Variants in FRY observed in about 807,000 individuals in gnomAD.
FRY encodes the protein protein furry homolog.
Under a neutral mutation model 348.4 loss-of-function variants are expected in FRY, and 128 were observed. The observed-to-expected ratio is 0.37, with a 90% confidence interval of 0.32 to 0.43. The LOEUF is 0.43. Among genes scored for constraint, FRY ranks in the 20% least tolerant of loss-of-function variants. The probability of loss-of-function intolerance (pLI) is 1.00; values close to 1 mark genes in which losing one functional copy is unlikely to be tolerated. For missense variants in FRY, 2,736 were observed against 3,695.2 expected, an observed-to-expected ratio of 0.74 and a Z score of 6.73; for synonymous variants, 1,370 against 1,374.7, an observed-to-expected ratio of 1.00 and a Z score of 0.08.
rs750112687 is a variant in FRY, at chr13:32,212,330, G to A, written c.4630G>A (p.Glu1544Lys). The change falls in exon 35 of 61, where the codon GAA becomes AAA. Residue 1544 changes from glutamate to lysine, a missense_variant. Glu to Lys is a moderately conservative substitution (Grantham distance 56, BLOSUM62 1). Coordinates refer to ENST00000542859, the MANE Select transcript of FRY (RefSeq NM_023037.3). ...SSSNTVVAGQ[E>K]NFPDAEENKI... ...CAGCAATACAGTGGTTGCTGGCCAG[G>A]AAAATTTCCCAGATGCTGAGGAGAA... 1 of 1,611,318 alleles carries A rather than the reference G, an allele frequency of 6.2e-7. No homozygotes were observed. Among genetic ancestry groups the A allele is most frequent in the South Asian group, 1.1e-5 (1 of 90,760 alleles).
chr13:32,115,833 T>C (rs1312794858), intron 3 of FRY, among the ~76,000 whole-genome samples: 1 of 152,062 alleles, frequency 6.6e-6, no homozygotes, highest in Admixed American at 6.6e-5. Flanking sequence ...GGTTTTCACA[T>C]GCACTCTATA....
intron 11 of FRY, among the ~76,000 whole-genome samples, chr13:32,137,920 A>T (rs1460902547): frequency 6.6e-6 from 1 of 152,196 alleles, no homozygotes; most frequent in Non-Finnish European, 1.5e-5. Flanking sequence ...AATAATCTGC[A>T]TTAGAGCTGT....
intron 14 of FRY, among the ~76,000 whole-genome samples, chr13:32,153,873 C>T (rs1313849991): frequency 6.6e-6 from 1 of 152,028 alleles, no homozygotes; most frequent in Non-Finnish European, 1.5e-5. Flanking sequence ...AAGTAATTTT[C>T]CAAGGCCAGA....
chr13:32,217,243 C>T (rs574617426), intron 35 of FRY, among the ~76,000 whole-genome samples: 3 of 152,118 alleles, frequency 2.0e-5, no homozygotes, highest in Admixed American at 1.3e-4. Flanking sequence ...AGCCTTAGTT[C>T]TTTGTTTTGG....
chr13:32,137,561 A>G (rs1325448498), intron 11 of FRY, among the ~76,000 whole-genome samples: 1 of 152,252 alleles, frequency 6.6e-6, no homozygotes, highest in East Asian at 1.9e-4. Flanking sequence ...GTTTCCAGCA[A>G]TACACCTGCT....
intron 1 of FRY, among the ~76,000 whole-genome samples, chr13:32,078,051 T>C (rs1213999444): frequency 6.6e-6 from 1 of 152,186 alleles, no homozygotes; most frequent in Non-Finnish European, 1.5e-5. Flanking sequence ...TGAAACTGCA[T>C]TTATGAATTC....
chr13:32,145,536 T>G (rs80075794), intron 11 of FRY, among the ~76,000 whole-genome samples: 28,642 of 133,478 alleles, frequency 0.21, 3,811 homozygotes, highest in Non-Finnish European at 0.29. Flanking sequence ...GTTTTTTTTT[T>G]TTTTTTTTTT....
chr13:32,282,861 G>A (rs117660017), intron 58 of FRY, among the ~76,000 whole-genome samples: 2,113 of 152,140 alleles, frequency 0.014, 21 homozygotes, highest in Non-Finnish European at 0.02. Context: ...TCACACATAC[G>A]GCCGAGCGTG....
At position 32,265,617 on chromosome 13, in the gene FRY, G is replaced by A; in HGVS notation, c.7946+1G>A. On this transcript the variant is annotated splice_donor_variant, in intron 54 of 60. Coordinates refer to ENST00000542859, the MANE Select transcript of FRY (RefSeq NM_023037.3). LOFTEE classifies it high-confidence loss of function. Reference sequence around the variant, plus strand: ...CACTGGACCAGTTTACCCTGGCGAGGTAATGGAGCCCTTGGCTGATGTGAG... The same window carrying A: ...CACTGGACCAGTTTACCCTGGCGAGATAATGGAGCCCTTGGCTGATGTGAG... The A allele has an allele frequency of 1.2e-6, 2 of 1,613,760 alleles. No individual in the cohort carries two copies. The highest frequency in any genetic ancestry group is 2.2e-5 in the East Asian group (1 of 44,878).
intron 11 of FRY, 28 bp from the exon 12 acceptor site, chr13:32,147,254 C>T (rs753902047): frequency 7.7e-7 from 1 of 1,297,468 alleles, no homozygotes; most frequent in South Asian, 1.2e-5. Context: ...TTTACATCTG[C>T]AGTCTTACAT....
intron 1 of FRY, among the ~76,000 whole-genome samples, chr13:32,048,198 G>A (rs1873129999): frequency 6.6e-6 from 1 of 152,170 alleles, no homozygotes; most frequent in Non-Finnish European, 1.5e-5. Flanking sequence ...GGGTGTGGGA[G>A]GTCTGTGCCT....
chr13:32,128,036 T>C (rs1165097963), intron 7 of FRY, among the ~76,000 whole-genome samples: 1 of 152,222 alleles, frequency 6.6e-6, no homozygotes, highest in African/African-American at 2.4e-5. Flanking sequence ...CATAGTTATT[T>C]TGGTATCTGG....
intron 40 of FRY, among the ~76,000 whole-genome samples, chr13:32,230,503 C>T (rs1290585043): frequency 6.6e-6 from 1 of 152,190 alleles, no homozygotes; most frequent in Non-Finnish European, 1.5e-5. Context: ...TAATCTTGTA[C>T]ATTTTTATGG....
Position 32,244,183 on chromosome 13 carries a change from G to A in FRY, c.6828+1G>A. ...GAAGACAATTGAAAAATATGTGCAA[G>A]TGAGTACTTGGATAACTTCACTAAG... On this transcript the variant is annotated splice_donor_variant, in intron 47 of 60. Transcript: ENST00000542859. LOFTEE classifies it high-confidence loss of function. 6.2e-7 allele frequency: 1 copy of A among 1,612,898 alleles called. No homozygotes were observed. The highest frequency in any genetic ancestry group is 8.5e-7 in the Non-Finnish European group (1 of 1,178,992).
At chr13:32,188,368 G>A (rs1235350928) in intron 28 of FRY, among the ~76,000 whole-genome samples, 3 of 151,900 alleles carry the variant, frequency 2.0e-5, no homozygotes, top group South Asian at 2.1e-4. Context: ...TTTAAGATGA[G>A]GAAACCAAAA....
At chr13:32,179,896 C>T in intron 23 of FRY, 97 bp downstream of exon 23, 1 of 1,228,038 alleles carries the variant, frequency 8.1e-7, no homozygotes, top group Non-Finnish European at 1.2e-6. Context: ...TTGGCGTGTG[C>T]CCAGAGAGTT....
intron 55 of FRY, among the ~76,000 whole-genome samples, chr13:32,268,504 AAATATATATAT>A (rs1177593060): frequency 5.5e-4 from 9 of 16,296 alleles, no homozygotes; most frequent in South Asian, 3.6e-3. Context: ...AAAAAAAAAA[AAATATATATAT>A]ATATATATAT....
chr13:32,046,916 A>G (rs879064837), intron 1 of FRY, among the ~76,000 whole-genome samples: 1 of 152,152 alleles, frequency 6.6e-6, no homozygotes, highest in East Asian at 1.9e-4. Flanking sequence ...TTTCTGTGCA[A>G]TTTGGGACTG....
chr13:32,202,116 A>T (rs2520704), intron 30 of FRY, 76 bp downstream of exon 30: 368,755 of 929,550 alleles, frequency 0.4, 76,458 homozygotes, highest in Admixed American at 0.44. Flanking sequence ...ATTACCTAAT[A>T]GCTGTTTATT....
Sources: gnomAD v4.1 joint callset for allele counts (sites outside exome capture counted in the v4.1 genomes callset) on GRCh38, gnomAD v4.1.1 for gene constraint, MANE v1.5 for transcripts, NCBI Gene and HGNC (gene_info 2026-07-23, HGNC 2026-07-21) for gene names.